Variants in HS6ST2 observed in about 807,000 individuals in gnomAD.
The protein encoded by HS6ST2 is heparan sulfate 6-O-sulfotransferase 2.
HS6ST2 carries 17 observed loss-of-function variants against 33.0 expected under a neutral mutation model. The ratio of observed to expected loss-of-function variants is 0.52; its 90% CI spans 0.35 to 0.77. HS6ST2 has a LOEUF of 0.77. HS6ST2 is among the 30% of genes least tolerant of loss of function. The probability of loss-of-function intolerance (pLI) is 0.01; values close to 1 mark genes in which losing one functional copy is unlikely to be tolerated. For missense variants in HS6ST2, 519 were observed against 551.7 expected (o/e 0.94, Z 0.59); for synonymous variants, 248 against 237.1 (o/e 1.05, Z -0.42).
intron 2 of HS6ST2, among the ~76,000 whole-genome samples, chrX:132,953,760 T>C (rs1602929867): frequency 8.9e-6 from 1 of 112,465 alleles, no homozygotes; most frequent in East Asian, 2.8e-4. Context: ...CTTCTCCCAA[T>C]GGGTGTGGTA....
chrX:132,915,854 G>A (rs762386300), intron 2 of HS6ST2, among the ~76,000 whole-genome samples: 10 of 106,329 alleles, frequency 9.4e-5, no homozygotes, highest in Admixed American at 4.1e-4. Flanking sequence ...TCAGCCCCCC[G>A]AGTAGCTGGG....
At chrX:132,845,244 CAG>C (rs1325089900) in intron 2 of HS6ST2, among the ~76,000 whole-genome samples, 1 of 109,379 alleles carries the variant, frequency 9.1e-6, no homozygotes, top group African/African-American at 3.3e-5. Context: ...AGATAAATAT[CAG>C]GGGATATTCT....
chrX:132,748,070 T>C (rs1321227870), intron 2 of HS6ST2, among the ~76,000 whole-genome samples: 3 of 111,497 alleles, frequency 2.7e-5, no homozygotes, highest in Non-Finnish European at 3.8e-5. Flanking sequence ...CATCAAATAT[T>C]TTCTTTCTTC....
At chrX:132,723,942 C>T (rs2064363481) in intron 2 of HS6ST2, among the ~76,000 whole-genome samples, 1 of 111,014 alleles carries the variant, frequency 9.0e-6, no homozygotes, top group African/African-American at 3.3e-5. Flanking sequence ...TGAGACCATC[C>T]TGGTTAACAC....
chrX:132,824,389 G>A (rs2065495378), intron 2 of HS6ST2, among the ~76,000 whole-genome samples: 1 of 112,367 alleles, frequency 8.9e-6, no homozygotes, highest in Admixed American at 9.4e-5. Flanking sequence ...TCAGGCCTTA[G>A]CTTTCTAAAA....
chrX:132,672,408 T>G (rs941272194), intron 3 of HS6ST2, among the ~76,000 whole-genome samples: 1 of 111,548 alleles, frequency 9.0e-6, no homozygotes, highest in African/African-American at 3.3e-5. Context: ...TCTAGACTAC[T>G]TGTCAGCCCT....
At chrX:132,872,232 A>C (rs1017327862) in intron 2 of HS6ST2, among the ~76,000 whole-genome samples, 1 of 111,978 alleles carries the variant, frequency 8.9e-6, no homozygotes, top group African/African-American at 3.2e-5. Context: ...CCGACTCAAG[A>C]TATCAGTTTA....
intron 2 of HS6ST2, among the ~76,000 whole-genome samples, chrX:132,748,035 C>T (rs1264245630): frequency 9.0e-6 from 1 of 111,431 alleles, no homozygotes; most frequent in Non-Finnish European, 1.9e-5. Context: ...AATGCATGGG[C>T]CAGTTAGCGT....
At chrX:132,868,569 TAACA>T (rs1372104731) in intron 2 of HS6ST2, among the ~76,000 whole-genome samples, 5 of 112,011 alleles carry the variant, frequency 4.5e-5, no homozygotes, top group Non-Finnish European at 5.6e-5. Flanking sequence ...ACAGAAATCA[TAACA>T]AACAGTCTCT....
intron 2 of HS6ST2, among the ~76,000 whole-genome samples, chrX:132,953,514 T>TG (rs1340073447): frequency 2.7e-5 from 3 of 111,682 alleles, no homozygotes; most frequent in African/African-American, 9.8e-5. Context: ...AGTCTTGGCT[T>TG]GCAGCCACAA....
At chrX:132,723,538 G>A (rs2064358004) in intron 2 of HS6ST2, among the ~76,000 whole-genome samples, 1 of 111,825 alleles carries the variant, frequency 8.9e-6, no homozygotes, top group Middle Eastern at 4.2e-3. Flanking sequence ...CAACCAATGT[G>A]ATACATCGTA....
intron 4 of HS6ST2, among the ~76,000 whole-genome samples, chrX:132,644,273 A>C (rs781469884): frequency 9.1e-6 from 1 of 109,745 alleles, no homozygotes; most frequent in Non-Finnish European, 1.9e-5. Context: ...GATAGGAGTG[A>C]GGGAGGGAGG....
chrX:132,743,749 T>C (rs751070378), intron 2 of HS6ST2, among the ~76,000 whole-genome samples: 2 of 111,572 alleles, frequency 1.8e-5, no homozygotes, highest in Non-Finnish European at 3.8e-5. Context: ...ACTGCACCAA[T>C]TGCAGCGTTT....
At chrX:132,928,869 T>C (rs2066736579) in intron 2 of HS6ST2, among the ~76,000 whole-genome samples, 1 of 111,365 alleles carries the variant, frequency 9.0e-6, no homozygotes, top group Non-Finnish European at 1.9e-5. Context: ...TTCATACAAA[T>C]AAGCCATGTT....
chrX:132,884,390 T>C (rs1262260139), intron 2 of HS6ST2, among the ~76,000 whole-genome samples: 1 of 112,078 alleles, frequency 8.9e-6, no homozygotes, highest in Non-Finnish European at 1.9e-5. Flanking sequence ...TATGATGTTT[T>C]GAGTGCTACT....
At chrX:132,904,693 AT>A (rs57637718) in intron 2 of HS6ST2, among the ~76,000 whole-genome samples, 90 of 94,881 alleles carry the variant, frequency 9.5e-4, no homozygotes, top group East Asian at 9.3e-3. Flanking sequence ...AGGCCCAGCT[AT>A]TTTTTTTTTT....
At chrX:132,778,905 T>G (rs1308961091) in intron 2 of HS6ST2, among the ~76,000 whole-genome samples, 1 of 112,203 alleles carries the variant, frequency 8.9e-6, no homozygotes, top group Non-Finnish European at 1.9e-5. Context: ...ATCAGCACTA[T>G]GTTTCTTTTT....
intron 4 of HS6ST2, among the ~76,000 whole-genome samples, chrX:132,664,123 G>C (rs1476574885): frequency 8.9e-6 from 1 of 111,734 alleles, no homozygotes; most frequent in Non-Finnish European, 1.9e-5. Flanking sequence ...TGATTCACCT[G>C]CCTCAGCCTC....
At chrX:132,935,159 A>G (rs2066810862) in intron 2 of HS6ST2, among the ~76,000 whole-genome samples, 1 of 89,990 alleles carries the variant, frequency 1.1e-5, no homozygotes, top group Non-Finnish European at 2.2e-5. Flanking sequence ...AATAATAATA[A>G]TTGGAGACTT....
Sources: gnomAD v4.1 joint callset for allele counts (sites outside exome capture counted in the v4.1 genomes callset) on GRCh38, gnomAD v4.1.1 for gene constraint, MANE v1.5 for transcripts, NCBI Gene and HGNC (gene_info 2026-07-23, HGNC 2026-07-21) for gene names.